The following ARL8B variants were observed in gnomAD, a reference collection of about 807,000 sequenced individuals.
ARL8B encodes the protein ARF like GTPase 8B.
A neutral mutation model predicts 30.6 loss-of-function variants in ARL8B; 9 were observed. That is an observed-to-expected ratio of 0.29 (90% CI 0.18 to 0.51). ARL8B has a LOEUF of 0.51. Among genes scored for constraint, ARL8B ranks in the 20% least tolerant of loss-of-function variants. The probability of loss-of-function intolerance (pLI) is 0.97; values close to 1 mark genes in which losing one functional copy is unlikely to be tolerated. For synonymous variants in ARL8B, 74 were observed against 76.0 expected (o/e 0.97, Z 0.14); for missense variants, 130 against 227.2 (o/e 0.57, Z 2.75).
intron 6 of ARL8B, 78 bp downstream of exon 6, chr3:5,174,492 C>T (rs974806028): frequency 1.3e-5 from 13 of 963,108 alleles, no homozygotes; most frequent in Admixed American, 3.8e-5. Flanking sequence ...CTTATTGTCT[C>T]GATTTCTCAT....
intron 1 of ARL8B, among the ~76,000 whole-genome samples, chr3:5,160,373 G>A (rs1028808136): frequency 6.6e-6 from 1 of 152,184 alleles, no homozygotes; most frequent in African/African-American, 2.4e-5. Flanking sequence ...GGATTTAGTA[G>A]CACCGTTATT....
At chr3:5,137,568 A>G (rs1185691802) in intron 1 of ARL8B, among the ~76,000 whole-genome samples, 3 of 149,890 alleles carry the variant, frequency 2.0e-5, no homozygotes, top group Non-Finnish European at 4.4e-5. Flanking sequence ...CCTCCCAAGT[A>G]GCTGGGACTA....
intron 1 of ARL8B, among the ~76,000 whole-genome samples, chr3:5,135,447 C>A (rs777303277): frequency 2.0e-4 from 31 of 151,538 alleles, no homozygotes; most frequent in Admixed American, 3.3e-4. Context: ...TCCTGGCTCA[C>A]TTAATTATTA....
At chr3:5,143,652 G>C (rs988432069) in intron 1 of ARL8B, among the ~76,000 whole-genome samples, 1 of 152,196 alleles carries the variant, frequency 6.6e-6, no homozygotes, top group African/African-American at 2.4e-5. Context: ...CACTTCATAG[G>C]GACCTTCTCA....
intron 6 of ARL8B, among the ~76,000 whole-genome samples, chr3:5,177,098 G>T (rs1387524934): frequency 6.6e-6 from 1 of 151,790 alleles, no homozygotes; most frequent in African/African-American, 2.4e-5. Context: ...TTTTTCCATT[G>T]TTACAAACTA....
chr3:5,147,207 C>T (rs2054427299), intron 1 of ARL8B, among the ~76,000 whole-genome samples: 1 of 152,070 alleles, frequency 6.6e-6, no homozygotes, highest in Non-Finnish European at 1.5e-5. Context: ...ATGTGATGTT[C>T]CCCACCCTGT....
At chr3:5,170,078 A>G (rs1279554085) in intron 1 of ARL8B, among the ~76,000 whole-genome samples, 1 of 152,254 alleles carries the variant, frequency 6.6e-6, no homozygotes, top group Non-Finnish European at 1.5e-5. Context: ...TATAAGCCTT[A>G]TTAAAAGACA....
intron 1 of ARL8B, among the ~76,000 whole-genome samples, chr3:5,162,064 C>A (rs1037086035): frequency 1.3e-5 from 2 of 152,322 alleles, no homozygotes; most frequent in African/African-American, 4.8e-5. Flanking sequence ...GATTCGTTAT[C>A]TGTGTATGCT....
At chr3:5,139,713 G>C (rs1204471337) in intron 1 of ARL8B, among the ~76,000 whole-genome samples, 2 of 152,176 alleles carry the variant, frequency 1.3e-5, no homozygotes, top group African/African-American at 4.8e-5. Flanking sequence ...TAGAGTGCTT[G>C]TCATCAGCTG....
Position 5,175,621 on chromosome 3 carries a change from A to G in ARL8B, c.511+1207A>G, listed in dbSNP as rs532127543. On this transcript the variant is annotated intron_variant, in intron 6 of 6. Transcript: ENST00000256496. Reference sequence around the variant, plus strand: ...CAAAGTACCACAAACAAGGTGGCTTAGAACAGCAGAAACTTAAGTCATTCA... The same window carrying G: ...CAAAGTACCACAAACAAGGTGGCTTGGAACAGCAGAAACTTAAGTCATTCA... Among the ~76,000 whole-genome samples the G allele has an allele frequency of 1.8e-4, 28 of 152,382 alleles. No homozygotes were observed. The South Asian group carries it at 4.3e-3, about 24-fold the overall frequency.
intron 1 of ARL8B, among the ~76,000 whole-genome samples, 194 bp from the exon 2 acceptor site, chr3:5,170,309 A>G (rs2054661341): frequency 6.6e-6 from 1 of 152,256 alleles, no homozygotes; most frequent in Non-Finnish European, 1.5e-5. Context: ...AGATGGAAGA[A>G]TATATCTTTG....
At chr3:5,156,852 C>G (rs2054537882) in intron 1 of ARL8B, 2 of 152,360 alleles carry the variant, frequency 1.3e-5, no homozygotes, top group South Asian at 4.1e-4. Flanking sequence ...CTCCCCGCCC[C>G]CAGCCTCCCA....
intron 1 of ARL8B, among the ~76,000 whole-genome samples, chr3:5,152,643 A>C (rs1402842228): frequency 6.6e-6 from 1 of 152,202 alleles, no homozygotes; most frequent in Non-Finnish European, 1.5e-5. Flanking sequence ...GTGCCGCCAC[A>C]CCTAGCTAAT....
At chr3:5,172,610 C>A in intron 3 of ARL8B, 37 bp from the exon 4 acceptor site, 1 of 1,358,042 alleles carries the variant, frequency 7.4e-7, no homozygotes, top group Non-Finnish European at 1.0e-6. Flanking sequence ...TCAAGGCATA[C>A]AGAGAAGGTA....
At chr3:5,127,607 G>A (rs1015171862) in intron 1 of ARL8B, among the ~76,000 whole-genome samples, 5 of 152,064 alleles carry the variant, frequency 3.3e-5, no homozygotes, top group Admixed American at 6.6e-5. Flanking sequence ...TTAAATAACT[G>A]GCTAACAGGC....
chr3:5,122,694 G>A, intron 1 of ARL8B, 106 bp downstream of exon 1: 1 of 1,289,216 alleles, frequency 7.8e-7, no homozygotes. Context: ...TGGGACTGAT[G>A]GCGGGGGGCG....
intron 1 of ARL8B, among the ~76,000 whole-genome samples, chr3:5,155,388 G>A (rs879914618): frequency 6.6e-5 from 10 of 151,932 alleles, no homozygotes; most frequent in Non-Finnish European, 1.3e-4. Flanking sequence ...ATCTCTTTAA[G>A]TTCATCCTAC....
At position 5,155,889 on chromosome 3, in the gene ARL8B, T is replaced by TG. The variant is rs1417345825; in HGVS notation, c.124-14614_124-14613insG. The stretch of plus-strand genomic sequence containing the variant: ...TTCTTTGAGTACCTTTAAGATAATT[T>TG]TTGTGTGTGTGTGTGTGTTGTTTTT... On this transcript the variant is annotated intron_variant, in intron 1 of 6. Coordinates refer to ENST00000256496, the MANE Select transcript of ARL8B (RefSeq NM_018184.3). Among the ~76,000 whole-genome samples the TG allele has an allele frequency of 2.8e-4, 35 of 124,438 alleles. No homozygotes were observed. The East Asian group carries it at 3.0e-3, about 11-fold the overall frequency. The allele number at this position is 124,438 out of a possible 152,430, so 81.6% of individuals were successfully genotyped here.
In ARL8B at chr3:5,147,948, A is replaced by C. The variant is rs562609626; in HGVS notation, c.124-22555A>C. Among the ~76,000 whole-genome samples, 7 of 150,116 alleles carry C rather than the reference A, an allele frequency of 4.7e-5. No individual in the cohort carries two copies. The South Asian group carries it at 1.5e-3, about 32-fold the overall frequency. On this transcript the variant is annotated intron_variant, in intron 1 of 6. Coordinates refer to ENST00000256496, the MANE Select transcript of ARL8B (RefSeq NM_018184.3). ...TAGGAGTGGACTCTTTGATCCCTTT[A>C]ATTATTCTCTGAGGTCCTGCATTTG...
Sources: gnomAD v4.1 joint callset for allele counts (sites outside exome capture counted in the v4.1 genomes callset) on GRCh38, gnomAD v4.1.1 for gene constraint, MANE v1.5 for transcripts, NCBI Gene and HGNC (gene_info 2026-07-23, HGNC 2026-07-21) for gene names.